Variants in VXN observed in about 807,000 individuals in gnomAD.
VXN encodes the protein vexin.
VXN carries 7 observed loss-of-function variants against 23.1 expected under a neutral mutation model. That is an observed-to-expected ratio of 0.30 (90% CI 0.17 to 0.57). The LOEUF is 0.57. VXN is among the 20% of genes least tolerant of loss of function. The pLI, the probability that VXN is intolerant of heterozygous loss-of-function variation, is 0.91. For missense variants in VXN, 238 were observed against 272.6 expected, an observed-to-expected ratio of 0.87 and a Z score of 0.89; for synonymous variants, 120 against 105.8, an observed-to-expected ratio of 1.13 and a Z score of -0.83.
At chr8:66,513,936 C>G (rs1046492903) in intron 5 of VXN, 1 of 326,220 alleles carries the variant, frequency 3.1e-6, no homozygotes, top group Non-Finnish European at 5.6e-6. Context: ...AATGTAATCA[C>G]GAGCCATATT....
At position 66,516,293 on chromosome 8, in the gene VXN, GGT is replaced by G. The variant is rs1386427608; in HGVS notation, c.*218_*219del. The G allele has an allele frequency of 5.1e-6, 2 of 391,114 alleles. No homozygotes were observed. The highest frequency in any genetic ancestry group is 4.1e-5 in the African/African-American group (2 of 48,294). The allele number at this position is 391,114 out of a possible 1,614,324, so 24.2% of individuals were successfully genotyped here. ...CCTTCTTAGAATTGCTAAAGCCATT[GGT>G]CTGAAAGTGACTTTGGGAGGTCATA... On this transcript the variant is annotated 3_prime_UTR_variant, in exon 6 of 6. Transcript: ENST00000305454.
chr8:66,496,543 C>T (rs755313842), intron 2 of VXN, 51 bp downstream of exon 2: 103 of 1,537,454 alleles, frequency 6.7e-5, no homozygotes, highest in Non-Finnish European at 8.8e-5. Context: ...ATTTAAAAAG[C>T]AATGCCAGGC....
At chr8:66,497,825 G>A (rs930184183) in intron 2 of VXN, among the ~76,000 whole-genome samples, 1 of 152,056 alleles carries the variant, frequency 6.6e-6, no homozygotes, top group African/African-American at 2.4e-5. Flanking sequence ...CCAAGAATTC[G>A]AGGCCAGCCT....
chr8:66,500,148 G>C (rs1262335590), intron 2 of VXN, among the ~76,000 whole-genome samples: 2 of 151,894 alleles, frequency 1.3e-5, no homozygotes, highest in African/African-American at 2.4e-5. Flanking sequence ...CGATAAATAG[G>C]GTTCCCCATT....
chr8:66,500,825 T>C (rs1807682795), intron 2 of VXN, among the ~76,000 whole-genome samples: 1 of 151,936 alleles, frequency 6.6e-6, no homozygotes, highest in Non-Finnish European at 1.5e-5. Context: ...CTTAGGATAA[T>C]ATCCTCCAGC....
intron 2 of VXN, among the ~76,000 whole-genome samples, chr8:66,504,346 T>C (rs951643677): frequency 2.0e-5 from 3 of 152,044 alleles, no homozygotes; most frequent in Non-Finnish European, 4.4e-5. Flanking sequence ...CCGAGAGCGA[T>C]GCTGAGAGAA....
chr8:66,515,928 C>T lies in VXN; in HGVS notation c.476C>T (p.Pro159Leu), dbSNP rs1807882921. 2 of 1,612,212 alleles carry T rather than the reference C, an allele frequency of 1.2e-6. No individual in the cohort carries two copies. Among genetic ancestry groups the T allele is most frequent in the African/African-American group, 2.7e-5 (2 of 74,788 alleles). The change falls in exon 6 of 6, where the codon CCA becomes CTA. Residue 159 changes from proline (P) to leucine (L), a missense_variant. Around this residue, in one of 2 missense-constraint regions of VXN, gnomAD observed 223 missense variants for 236.9 expected, o/e 0.94. Transcript: ENST00000305454. ...CTCAAGAAGATGACTGAAGAGTATCCAGCCCTTCCCCAAGGAGCAGAAGCC... is the reference window on the plus strand; with the variant it reads ...CTCAAGAAGATGACTGAAGAGTATCTAGCCCTTCCCCAAGGAGCAGAAGCC... ...RHLKKMTEEYPALPQGAEASL... is the reference protein window; with the variant it reads ...RHLKKMTEEYLALPQGAEASL...
intron 5 of VXN, among the ~76,000 whole-genome samples, chr8:66,514,480 G>A (rs1057360091): frequency 9.9e-5 from 15 of 152,176 alleles, no homozygotes; most frequent in African/African-American, 3.1e-4. Flanking sequence ...TCTGTCGCCA[G>A]GCTGGAGTGC....
intron 3 of VXN, among the ~76,000 whole-genome samples, chr8:66,507,975 C>G (rs1395587338): frequency 6.6e-6 from 1 of 152,172 alleles, no homozygotes; most frequent in Non-Finnish European, 1.5e-5. Flanking sequence ...TGTAGGAACT[C>G]TAAATGCAGA....
intron 2 of VXN, among the ~76,000 whole-genome samples, chr8:66,499,133 C>G (rs771886860): frequency 6.8e-6 from 1 of 146,932 alleles, no homozygotes; most frequent in Non-Finnish European, 1.5e-5. Context: ...TTATTTTTTT[C>G]TCTTTTTTTT....
At chr8:66,513,435 G>A in intron 4 of VXN, 105 bp from the exon 5 acceptor site, 1 of 916,366 alleles carries the variant, frequency 1.1e-6, no homozygotes, top group East Asian at 2.4e-5. Flanking sequence ...CTATGCCCAG[G>A]CGGTGGTGGT....
Position 66,513,623 on chromosome 8 carries a change from T to C in VXN, c.426T>C (p.Ala142=), listed in dbSNP as rs139856527. ...EATAMGTEKG[A]VLMRGSRHLK... is the part of the protein sequence containing the mutation. The stretch of plus-strand genomic sequence containing the variant: ...CAGCCATGGGCACAGAGAAGGGAGC[T>C]GTTCTGATGAGAGGGTAAGTGCTGC... Residue 142 remains alanine, a synonymous_variant, in exon 5 of 6, where the codon GCT becomes GCC. Transcript: ENST00000305454. 2.6e-5 allele frequency: 42 copies of C among 1,614,116 alleles called. No homozygotes were observed. The highest frequency in any genetic ancestry group is 3.6e-5 in the Non-Finnish European group (42 of 1,179,984).
rs566503392 is a variant in VXN, at chr8:66,504,411, C to T, written c.127-964C>T. On this transcript the variant is annotated intron_variant, in intron 2 of 5. Transcript: ENST00000305454. The stretch of plus-strand genomic sequence containing the variant: ...AAAGGGCTGCCCACCACCGCCCCCC[C>T]ACCCCCAGAATGAATGACCCAGTGT... Among the ~76,000 whole-genome samples the T allele has an allele frequency of 3.9e-5, 6 of 151,988 alleles. No homozygotes were observed. The South Asian group carries it at 6.3e-4, about 16-fold the overall frequency.
intron 3 of VXN, among the ~76,000 whole-genome samples, chr8:66,508,308 T>C (rs540992737): frequency 3.9e-5 from 6 of 152,198 alleles, no homozygotes; most frequent in African/African-American, 1.2e-4. Flanking sequence ...ATCTCGGCTG[T>C]GTAGAGAACA....
chr8:66,497,991 A>G (rs1160705211), intron 2 of VXN, among the ~76,000 whole-genome samples: 1 of 152,116 alleles, frequency 6.6e-6, no homozygotes, highest in African/African-American at 2.4e-5. Flanking sequence ...AACATGGAGA[A>G]ACCCCATCTC....
At chr8:66,506,505 G>A (rs1807761432) in intron 3 of VXN, among the ~76,000 whole-genome samples, 1 of 151,762 alleles carries the variant, frequency 6.6e-6, no homozygotes, top group African/African-American at 2.4e-5. Context: ...GCCTTTAATT[G>A]CTGGTTTAGG....
Position 66,516,031 on chromosome 8 carries a change from G to A in VXN, c.579G>A (p.Lys193=). ...AAATGTGGACAAGGCACAAGAAGAA[G>A]TCTGAATATGTGGGAGCCACCAACA... ...LRKMWTRHKK[K]SEYVGATNSA... The change falls in exon 6 of 6, where the codon AAG becomes AAA. Residue 193 remains lysine (K), a synonymous_variant. Transcript: ENST00000305454. The A allele has an allele frequency of 1.2e-6, 2 of 1,613,448 alleles. No individual in the cohort carries two copies. Among genetic ancestry groups the A allele is most frequent in the African/African-American group, 1.3e-5 (1 of 75,048 alleles).
At chr8:66,515,330 A>G (rs1034750804) in intron 5 of VXN, among the ~76,000 whole-genome samples, 1 of 152,222 alleles carries the variant, frequency 6.6e-6, no homozygotes, top group East Asian at 1.9e-4. Context: ...TAAGGGGAGC[A>G]GGGGTTAAGG....
intron 4 of VXN, 112 bp from the exon 5 acceptor site, chr8:66,513,428 T>C (rs1807847788): frequency 2.3e-6 from 2 of 881,962 alleles, no homozygotes; most frequent in Non-Finnish European, 3.8e-6. Context: ...ATGAGGACTA[T>C]GCCCAGGCGG....
Sources: gnomAD v4.1 joint callset for allele counts (sites outside exome capture counted in the v4.1 genomes callset) on GRCh38, gnomAD v4.1.1 for gene constraint, gnomAD v4.1.1 regional missense constraint, MANE v1.5 for transcripts, NCBI Gene and HGNC (gene_info 2026-07-23, HGNC 2026-07-21) for gene names.